The following LYPLAL1 variants were observed in gnomAD, a reference collection of about 807,000 sequenced individuals.
LYPLAL1 encodes lysophospholipase-like protein 1.
A neutral mutation model predicts 19.7 loss-of-function variants in LYPLAL1; 23 were observed. The ratio of observed to expected loss-of-function variants is 1.17; its 90% CI spans 0.84 to 1.65. LYPLAL1 has a LOEUF of 1.65. Among genes scored for constraint, LYPLAL1 ranks in the 40% most tolerant of loss-of-function variants. The pLI is 0.00. For synonymous variants in LYPLAL1, 119 were observed against 96.3 expected (o/e 1.24, Z -1.38); for missense variants, 355 against 279.4 (o/e 1.27, Z -1.93).
chr1:219,442,385 T>C, the LYPLAL1 span, among the ~76,000 whole-genome samples: 1 of 152,204 alleles, frequency 6.6e-6, no homozygotes, highest in African/African-American at 2.4e-5. Flanking sequence ...CACCTGGCTT[T>C]GCAGGAAAAG....
chr1:219,243,618 T>TA, the LYPLAL1 span, among the ~76,000 whole-genome samples: 1,010 of 151,682 alleles, frequency 6.7e-3, 15 homozygotes, highest in African/African-American at 0.024. Flanking sequence ...ATAGCTGTTT[T>TA]AAAAAAAAAT....
the LYPLAL1 span, among the ~76,000 whole-genome samples, chr1:219,254,186 C>T: frequency 8.6e-4 from 130 of 151,916 alleles, 1 homozygote; most frequent in Middle Eastern, 3.4e-3. Context: ...ACGTTTGAGA[C>T]GGATCTCTTG....
At chr1:219,278,241 C>G in the LYPLAL1 span, among the ~76,000 whole-genome samples, 11 of 152,152 alleles carry the variant, frequency 7.2e-5, no homozygotes, top group Admixed American at 2.6e-4. Context: ...GCTGCTATGT[C>G]TCTTGCTCCC....
At chr1:219,363,677 C>G in the LYPLAL1 span, among the ~76,000 whole-genome samples, 1 of 152,130 alleles carries the variant, frequency 6.6e-6, no homozygotes, top group African/African-American at 2.4e-5. Flanking sequence ...TCCTTGTCTA[C>G]CACTTCAAAG....
intron 2 of LYPLAL1, among the ~76,000 whole-genome samples, chr1:219,186,155 ATATTCT>A (rs1656703410): frequency 1.3e-5 from 2 of 151,874 alleles, no homozygotes; most frequent in Admixed American, 6.6e-5. Context: ...GCTATTCTAG[ATATTCT>A]TATTACTGTT....
chr1:219,383,915 A>G, the LYPLAL1 span, among the ~76,000 whole-genome samples: 2 of 152,190 alleles, frequency 1.3e-5, no homozygotes, highest in Non-Finnish European at 2.9e-5. Flanking sequence ...TTCTGTTTAC[A>G]TATAGTTCAT....
At chr1:219,430,844 T>G in the LYPLAL1 span, among the ~76,000 whole-genome samples, 1 of 152,152 alleles carries the variant, frequency 6.6e-6, no homozygotes, top group African/African-American at 2.4e-5. Flanking sequence ...AATTTAATTT[T>G]TATTAATTTA....
the LYPLAL1 span, among the ~76,000 whole-genome samples, chr1:219,236,663 C>A: frequency 6.6e-6 from 1 of 152,056 alleles, no homozygotes; most frequent in South Asian, 2.1e-4. Flanking sequence ...TGTAAAGTAT[C>A]AAAATAGTGA....
At chr1:219,416,023 A>C in the LYPLAL1 span, among the ~76,000 whole-genome samples, 3 of 152,170 alleles carry the variant, frequency 2.0e-5, no homozygotes, top group African/African-American at 7.2e-5. Flanking sequence ...TAAAATTTTG[A>C]GGTAGTTTTA....
the LYPLAL1 span, among the ~76,000 whole-genome samples, chr1:219,330,598 G>A: frequency 6.6e-6 from 1 of 152,146 alleles, no homozygotes; most frequent in Non-Finnish European, 1.5e-5. Flanking sequence ...ATCAACTAAT[G>A]TCTGATTCAA....
At chr1:219,395,776 TC>T in the LYPLAL1 span, among the ~76,000 whole-genome samples, 1 of 152,138 alleles carries the variant, frequency 6.6e-6, no homozygotes, top group Non-Finnish European at 1.5e-5. Context: ...CCTTGATCCA[TC>T]TTGAGTTGAT....
At chr1:219,282,700 A>G in the LYPLAL1 span, among the ~76,000 whole-genome samples, 1 of 152,142 alleles carries the variant, frequency 6.6e-6, no homozygotes, top group Non-Finnish European at 1.5e-5. Flanking sequence ...AGTGACAGTG[A>G]TTTTCAACTG....
chr1:219,227,117 G>A, the LYPLAL1 span, among the ~76,000 whole-genome samples: 4 of 152,246 alleles, frequency 2.6e-5, no homozygotes, highest in Non-Finnish European at 5.9e-5. Context: ...GACAGTGTAT[G>A]TATGAATTAA....
chr1:219,334,567 T>C, the LYPLAL1 span, among the ~76,000 whole-genome samples: 1 of 150,284 alleles, frequency 6.7e-6, no homozygotes, highest in Non-Finnish European at 1.5e-5. Context: ...GTGTTTAATC[T>C]GCATTTGCAT....
At chr1:219,301,539 C>CA in the LYPLAL1 span, among the ~76,000 whole-genome samples, 2 of 152,146 alleles carry the variant, frequency 1.3e-5, no homozygotes. Context: ...CAATAAACCA[C>CA]AAAAAAATCC....
At position 219,193,227 on chromosome 1, in the gene LYPLAL1, A is replaced by G. The variant is rs1397940935; in HGVS notation, c.337A>G (p.Ile113Val). ...DLIDEEVKSG[I>V]KKNRILIGGF... is the part of the protein sequence containing the mutation. ...GATTGATGAAGAAGTAAAAAGTGGC[A>G]TCAAGAAGAACAGGATATTAATAGG... Residue 113 changes from isoleucine to valine, a missense_variant, in exon 3 of 5, where the codon ATC (isoleucine) becomes GTC (valine). Physicochemically the swap from Ile to Val is conservative, Grantham distance 29 (BLOSUM62 3). Coordinates refer to ENST00000366928, the MANE Select transcript of LYPLAL1 (RefSeq NM_138794.5). 1 of 1,609,912 alleles carries G rather than the reference A, an allele frequency of 6.2e-7. No individual in the cohort carries two copies. The highest frequency in any genetic ancestry group is 1.3e-5 in the African/African-American group (1 of 74,740).
the LYPLAL1 span, among the ~76,000 whole-genome samples, chr1:219,353,776 A>G: frequency 6.6e-6 from 1 of 152,238 alleles, no homozygotes; most frequent in East Asian, 1.9e-4. Context: ...AAACAGGAAA[A>G]TATGACCCAT....
At chr1:219,263,645 T>C in the LYPLAL1 span, among the ~76,000 whole-genome samples, 2 of 152,062 alleles carry the variant, frequency 1.3e-5, no homozygotes, top group Non-Finnish European at 2.9e-5. Context: ...AGGACCCCTG[T>C]GAGATAGAGT....
the LYPLAL1 span, among the ~76,000 whole-genome samples, chr1:219,349,083 C>T: frequency 2.6e-3 from 393 of 152,244 alleles, 2 homozygotes; most frequent in African/African-American, 8.1e-3. Flanking sequence ...AGAGAGGTTA[C>T]GTAACTTGCT....
Sources: allele counts gnomAD v4.1 joint callset (sites outside exome capture counted in the v4.1 genomes callset), GRCh38; gene constraint gnomAD v4.1.1; transcripts MANE v1.5; gene names NCBI Gene and HGNC (gene_info 2026-07-23, HGNC 2026-07-21).